The following UBE2D1 variants were observed in gnomAD, a reference collection of about 807,000 sequenced individuals.
UBE2D1 encodes the protein ubiquitin conjugating enzyme E2 D1, also known as ubiquitin-conjugating enzyme E2 D1.
UBE2D1 carries 9 observed loss-of-function variants against 24.6 expected under a neutral mutation model. That is an observed-to-expected ratio of 0.37 (90% CI 0.22 to 0.64). The LOEUF (loss-of-function observed/expected upper bound fraction) is 0.64. Ranked by LOEUF, UBE2D1 falls within the 30% of genes least tolerant of loss-of-function variation. The probability of loss-of-function intolerance (pLI) is 0.64; values close to 1 mark genes in which losing one functional copy is unlikely to be tolerated. For synonymous variants in UBE2D1, 57 were observed against 57.6 expected (o/e 0.99, Z 0.04); for missense variants, 87 against 177.1 (o/e 0.49, Z 2.89).
intron 3 of UBE2D1, 29 bp downstream of exon 3, chr10:58,361,555 AC>A (rs1564561941): frequency 6.2e-7 from 1 of 1,613,102 alleles, no homozygotes; most frequent in African/African-American, 1.3e-5. Context: ...TATGAAATTA[AC>A]CCCCTCAGCC....
chr10:58,340,631 T>C (rs1564557394), intron 1 of UBE2D1, among the ~76,000 whole-genome samples: 1 of 152,322 alleles, frequency 6.6e-6, no homozygotes, highest in East Asian at 1.9e-4. Flanking sequence ...AATCTTTTTA[T>C]ATGCCAATGA....
Position 58,348,694 on chromosome 10 carries a change from C to T in UBE2D1, c.25-12644C>T, listed in dbSNP as rs150790983. ...AACAAAGCATTTTTAGTCTGGTCAG[C>T]GTAATTTTTTAGGGAATATTTACTG... On this transcript the variant is annotated intron_variant, in intron 1 of 6. Coordinates refer to ENST00000373910, the MANE Select transcript of UBE2D1 (RefSeq NM_003338.5). Among the ~76,000 whole-genome samples the T allele has an allele frequency of 1.3e-3, 205 of 152,192 alleles. 2 individuals carry two copies. Among genetic ancestry groups the T allele is most frequent in the Non-Finnish European group, 2.0e-3 (137 of 68,018 alleles).
intron 1 of UBE2D1, among the ~76,000 whole-genome samples, chr10:58,343,136 G>A (rs1053545686): frequency 1.3e-5 from 2 of 152,120 alleles, no homozygotes; most frequent in Non-Finnish European, 2.9e-5. Context: ...GTGCTCAACA[G>A]CACTTTTGAA....
At chr10:58,368,355 C>T (rs1271296721) in intron 6 of UBE2D1, 2 of 255,092 alleles carry the variant, frequency 7.8e-6, no homozygotes, top group African/African-American at 2.2e-5. Flanking sequence ...TCTCTCGTAC[C>T]CATCCAAACT....
chr10:58,364,516 T>A (rs1840235088), intron 4 of UBE2D1: 1 of 331,268 alleles, frequency 3.0e-6, no homozygotes, highest in Non-Finnish European at 5.5e-6. Context: ...AGAGACTTAT[T>A]TATTACACTG....
At chr10:58,357,178 TA>T (rs1840140481) in intron 1 of UBE2D1, among the ~76,000 whole-genome samples, 1 of 152,158 alleles carries the variant, frequency 6.6e-6, no homozygotes, top group Non-Finnish European at 1.5e-5. Context: ...AATTCAGTGT[TA>T]ATTCTTACTT....
intron 1 of UBE2D1, chr10:58,360,785 A>G (rs182666424): frequency 6.8e-6 from 2 of 295,690 alleles, no homozygotes; most frequent in African/African-American, 2.2e-5. Context: ...GTGCTGGCAC[A>G]TGCCTGTAGT....
intron 1 of UBE2D1, among the ~76,000 whole-genome samples, chr10:58,359,150 T>G (rs1244750903): frequency 6.6e-6 from 1 of 152,146 alleles, no homozygotes; most frequent in Non-Finnish European, 1.5e-5. Flanking sequence ...TAGGAAGGCC[T>G]TTCCCTGTCA....
Position 58,335,091 on chromosome 10 carries a change from C to T in UBE2D1, c.-111C>T, listed in dbSNP as rs1473326296. ...GCCAGGGAGCGGCTAACCGGGGACC[C>T]ACCGCGCGGAGCCAGCCTAGCTGCC... On this transcript the variant is annotated 5_prime_UTR_variant, in exon 1 of 7. Coordinates refer to ENST00000373910, the MANE Select transcript of UBE2D1 (RefSeq NM_003338.5). 1.7e-6 allele frequency: 2 copies of T among 1,210,350 alleles called. No homozygotes were observed. Among genetic ancestry groups the T allele is most frequent in the Non-Finnish European group, 2.3e-6 (2 of 861,884 alleles). 75.0% of individuals were successfully genotyped at this position (1,210,350 alleles called of 1,614,324 possible).
chr10:58,368,995 G>T lies in UBE2D1; in HGVS notation c.*230G>T, dbSNP rs1840286341. 6 of 297,112 alleles carry T rather than the reference G, an allele frequency of 2.0e-5. No homozygotes were observed. The highest frequency in any genetic ancestry group is 1.9e-5 in the Non-Finnish European group (3 of 159,902). 18.4% of individuals were successfully genotyped at this position (297,112 alleles called of 1,614,324 possible). ...ATGCATTGAGAAAGACATTTATTAT[G>T]GTTTTTAAGATACTTGGACATCTGC... On this transcript the variant is annotated 3_prime_UTR_variant, in exon 7 of 7. Transcript: ENST00000373910.
At chr10:58,361,795 CTTTTT>C (rs770860227) in intron 3 of UBE2D1, among the ~76,000 whole-genome samples, 2 of 131,354 alleles carry the variant, frequency 1.5e-5, no homozygotes, top group South Asian at 2.5e-4. Flanking sequence ...GTGTGTTTAT[CTTTTT>C]TTTTTTTTTT....
At chr10:58,363,792 G>C (rs1182882391) in intron 4 of UBE2D1, 106 bp downstream of exon 4, 2 of 735,476 alleles carry the variant, frequency 2.7e-6, no homozygotes, top group Non-Finnish European at 4.2e-6. Context: ...AAAGACTGTG[G>C]GGAGGTTAGC....
intron 1 of UBE2D1, 76 bp from the exon 2 acceptor site, chr10:58,361,262 G>A (rs758251005): frequency 1.1e-4 from 153 of 1,428,530 alleles, no homozygotes; most frequent in Non-Finnish European, 1.4e-4. Context: ...CTAATAGTTT[G>A]CATCTTAATG....
chr10:58,358,127 G>C (rs1840152477), intron 1 of UBE2D1, among the ~76,000 whole-genome samples: 1 of 151,876 alleles, frequency 6.6e-6, no homozygotes, highest in African/African-American at 2.4e-5. Context: ...ACTAAAATAA[G>C]GTTTTCATTT....
chr10:58,345,619 A>C (rs1840007516), intron 1 of UBE2D1, among the ~76,000 whole-genome samples: 1 of 152,242 alleles, frequency 6.6e-6, no homozygotes, highest in Non-Finnish European at 1.5e-5. Context: ...AAGTCCTGTA[A>C]CAACTAGATG....
chr10:58,342,899 G>A (rs55982952), intron 1 of UBE2D1, among the ~76,000 whole-genome samples: 11,226 of 148,248 alleles, frequency 0.076, 552 homozygotes, highest in African/African-American at 0.15. Context: ...GCGCGATCTC[G>A]GCTCACTGCA....
chr10:58,362,566 C>A (rs1337152721), intron 3 of UBE2D1, among the ~76,000 whole-genome samples: 1 of 152,102 alleles, frequency 6.6e-6, no homozygotes, highest in Non-Finnish European at 1.5e-5. Flanking sequence ...TGGCCTTTCA[C>A]AAATATTTTT....
intron 1 of UBE2D1, 104 bp from the exon 2 acceptor site, chr10:58,361,234 C>A: frequency 8.5e-7 from 1 of 1,180,956 alleles, no homozygotes; most frequent in Non-Finnish European, 1.2e-6. Flanking sequence ...AATAGAACTG[C>A]TTTAAATGTT....
chr10:58,339,482 TTCCATACAATGGATATGTATGGATA>T (rs1219995597), intron 1 of UBE2D1, among the ~76,000 whole-genome samples: 2 of 152,172 alleles, frequency 1.3e-5, no homozygotes, highest in Admixed American at 6.5e-5. Flanking sequence ...TTCCATACAT[TTCCATACAATGGATATGTATGGATA>T]TCCATACATA....
Sources: gnomAD v4.1 joint callset for allele counts (sites outside exome capture counted in the v4.1 genomes callset) on GRCh38, gnomAD v4.1.1 for gene constraint, MANE v1.5 for transcripts, NCBI Gene and HGNC (gene_info 2026-07-23, HGNC 2026-07-21) for gene names.